EFNA5: variants seen among roughly 807,000 people sequenced by gnomAD.
The protein encoded by EFNA5 is ephrin A5, also known as ephrin-A5.
Under a neutral mutation model 22.9 loss-of-function variants are expected in EFNA5, and 5 were observed. The ratio of observed to expected loss-of-function variants is 0.22; its 90% CI spans 0.11 to 0.46. EFNA5 has a LOEUF of 0.46. EFNA5 is among the 20% of genes least tolerant of loss of function. The pLI, the probability that EFNA5 is intolerant of heterozygous loss-of-function variation, is 0.99. For synonymous variants in EFNA5, 113 were observed against 112.2 expected, an observed-to-expected ratio of 1.01 and a Z score of -0.04; for missense variants, 237 against 293.3, an observed-to-expected ratio of 0.81 and a Z score of 1.40.
chr5:107,538,326 G>A (rs113868405), intron 1 of EFNA5, among the ~76,000 whole-genome samples: 6,154 of 152,242 alleles, frequency 0.04, 403 homozygotes, highest in African/African-American at 0.14. Context: ...GGTACTTACT[G>A]ATGTTTACTG....
intron 1 of EFNA5, among the ~76,000 whole-genome samples, chr5:107,509,713 G>C (rs903919459): frequency 1.3e-5 from 2 of 151,998 alleles, no homozygotes; most frequent in Admixed American, 6.6e-5. Flanking sequence ...ACGTAGATGA[G>C]GAACACTGGA....
At chr5:107,427,156 TA>T (rs770640003) in intron 2 of EFNA5, 60 bp downstream of exon 2, 1 of 1,585,810 alleles carries the variant, frequency 6.3e-7, no homozygotes, top group Non-Finnish European at 8.6e-7. Context: ...GAAACATGGG[TA>T]AAAAATTAGT....
At chr5:107,660,262 AT>A (rs1750918761) in intron 1 of EFNA5, among the ~76,000 whole-genome samples, 1 of 3,512 alleles carries the variant, frequency 2.8e-4, no homozygotes, top group African/African-American at 1.7e-3. Context: ...TGGCAAAAAC[AT>A]ATATATATAT....
chr5:107,435,167 G>A (rs1276311380), intron 1 of EFNA5, among the ~76,000 whole-genome samples: 1 of 152,132 alleles, frequency 6.6e-6, no homozygotes, highest in Non-Finnish European at 1.5e-5. Context: ...CAACAGATAT[G>A]GGTTTGGTTT....
intron 1 of EFNA5, among the ~76,000 whole-genome samples, chr5:107,482,891 T>C (rs1295405110): frequency 7.6e-5 from 11 of 145,348 alleles, no homozygotes; most frequent in South Asian, 6.6e-4. Flanking sequence ...TATATATATA[T>C]ATACATACAT....
intron 1 of EFNA5, among the ~76,000 whole-genome samples, chr5:107,582,161 T>TA (rs1194098146): frequency 1.3e-5 from 2 of 152,196 alleles, no homozygotes; most frequent in Non-Finnish European, 2.9e-5. Flanking sequence ...AATAGAGAGA[T>TA]AAAATATTAC....
At chr5:107,418,897 G>C (rs1748580018) in intron 2 of EFNA5, among the ~76,000 whole-genome samples, 2 of 152,136 alleles carry the variant, frequency 1.3e-5, no homozygotes, top group African/African-American at 4.8e-5. Context: ...AGTTAAACTA[G>C]ACTCATCCTT....
chr5:107,397,155 A>AGGT (rs1372615295), intron 2 of EFNA5, among the ~76,000 whole-genome samples: 1 of 151,774 alleles, frequency 6.6e-6, no homozygotes, highest in African/African-American at 2.4e-5. Flanking sequence ...AGGGAGGCTG[A>AGGT]GGTAGGAGGA....
chr5:107,621,603 C>A (rs755440104), intron 1 of EFNA5, among the ~76,000 whole-genome samples: 3 of 152,178 alleles, frequency 2.0e-5, no homozygotes, highest in Non-Finnish European at 4.4e-5. Context: ...GCTCCACCCC[C>A]CTGAGGCAGC....
At chr5:107,532,416 C>T (rs937293974) in intron 1 of EFNA5, among the ~76,000 whole-genome samples, 2 of 152,214 alleles carry the variant, frequency 1.3e-5, no homozygotes, top group Non-Finnish European at 2.9e-5. Flanking sequence ...TCACAACTGT[C>T]CAGAAATCCT....
rs142641037 is a variant in EFNA5 at position 107,381,342 on chromosome 5, G to A, written c.600C>T (p.Arg200=). The A allele has an allele frequency of 3.4e-5, 55 of 1,614,000 alleles. No individual in the cohort carries two copies. Among genetic ancestry groups the A allele is most frequent in the Non-Finnish European group, 4.3e-5 (51 of 1,179,914 alleles). Residue 200 remains arginine (R), a synonymous_variant, in exon 5 of 5, where the codon CGC becomes CGT. Transcript: ENST00000333274. ...TTGGTGTTTGTGCCGCGTTCTCGCC[G>A]CGGGATGGCTCGGCTGACTCATGTA... ...DTVHESAEPS[R]GENAAQTPRI...
intron 1 of EFNA5, among the ~76,000 whole-genome samples, chr5:107,449,280 G>C (rs184870073): frequency 6.6e-6 from 1 of 151,952 alleles, no homozygotes; most frequent in Non-Finnish European, 1.5e-5. Context: ...AGCTGGCAGA[G>C]TGTCCAACGC....
At chr5:107,468,001 C>T (rs1750037110) in intron 1 of EFNA5, among the ~76,000 whole-genome samples, 2 of 152,154 alleles carry the variant, frequency 1.3e-5, no homozygotes, top group Non-Finnish European at 2.9e-5. Context: ...TCAATTATGA[C>T]ATAGCATTTT....
chr5:107,384,402 A>G (rs1345001736), intron 4 of EFNA5, among the ~76,000 whole-genome samples: 1 of 152,184 alleles, frequency 6.6e-6, no homozygotes, highest in Non-Finnish European at 1.5e-5. Flanking sequence ...TGATGATAGG[A>G]AACTGGCAGG....
intron 1 of EFNA5, among the ~76,000 whole-genome samples, chr5:107,615,439 C>T (rs1180463394): frequency 1.3e-5 from 2 of 151,994 alleles, no homozygotes; most frequent in African/African-American, 4.8e-5. Context: ...GAAGGCATTC[C>T]GTGATGATCC....
At chr5:107,515,284 G>A (rs1299347518) in intron 1 of EFNA5, among the ~76,000 whole-genome samples, 2 of 151,874 alleles carry the variant, frequency 1.3e-5, no homozygotes, top group African/African-American at 4.8e-5. Flanking sequence ...TGATCCGCCT[G>A]CCTCAGCCTC....
chr5:107,556,158 C>T (rs1748408765), intron 1 of EFNA5, among the ~76,000 whole-genome samples: 1 of 152,150 alleles, frequency 6.6e-6, no homozygotes, highest in Non-Finnish European at 1.5e-5. Flanking sequence ...ACATGCTATC[C>T]CCATCAAGGC....
intron 1 of EFNA5, among the ~76,000 whole-genome samples, chr5:107,543,310 TTCTTCAAAGGC>T (rs1478314147): frequency 1.3e-5 from 2 of 152,248 alleles, no homozygotes; most frequent in Admixed American, 1.3e-4. Flanking sequence ...TCAAAGCAAC[TTCTTCAAAGGC>T]CCTTTTATAT....
intron 1 of EFNA5, among the ~76,000 whole-genome samples, chr5:107,450,195 T>C (rs1451355936): frequency 6.6e-6 from 1 of 152,080 alleles, no homozygotes; most frequent in South Asian, 2.1e-4. Context: ...CACACAAAAA[T>C]TTTTTGGTCA....
Sources: allele counts gnomAD v4.1 joint callset (sites outside exome capture counted in the v4.1 genomes callset), GRCh38; gene constraint gnomAD v4.1.1; transcripts MANE v1.5; gene names NCBI Gene and HGNC (gene_info 2026-07-23, HGNC 2026-07-21).